Variants in CTBP1 observed in about 807,000 individuals in gnomAD.
CTBP1 encodes C-terminal binding protein 1, also known as C-terminal-binding protein 1.
A neutral mutation model predicts 42.1 loss-of-function variants in CTBP1; 11 were observed. The observed-to-expected ratio is 0.26, with a 90% confidence interval of 0.16 to 0.43. CTBP1 has a LOEUF of 0.43. Ranked by LOEUF, CTBP1 falls within the 20% of genes least tolerant of loss-of-function variation. CTBP1 has a pLI of 1.00. For synonymous variants in CTBP1, 324 were observed against 277.1 expected (o/e 1.17, Z -1.68); for missense variants, 399 against 624.3 (o/e 0.64, Z 3.85).
intron 3 of CTBP1, among the ~76,000 whole-genome samples, chr4:1,228,878 C>A (rs901151363): frequency 6.6e-5 from 10 of 152,236 alleles, no homozygotes; most frequent in African/African-American, 2.4e-4. Context: ...CGCCACCCAG[C>A]CGTAAGGATA....
intron 8 of CTBP1, 140 bp from the exon 9 acceptor site, chr4:1,213,170 G>T: frequency 1.2e-6 from 1 of 810,256 alleles, no homozygotes; most frequent in East Asian, 2.5e-5. Flanking sequence ...AGGCACGGCA[G>T]GGTCCTGTCT....
intron 1 of CTBP1, chr4:1,248,549 A>C: frequency 1.3e-4 from 44 of 344,422 alleles, no homozygotes; most frequent in Non-Finnish European, 1.6e-4. Flanking sequence ...GGGACGGGGT[A>C]GCGGCCGGGG....
chr4:1,227,310 G>A (rs970451708), intron 4 of CTBP1, among the ~76,000 whole-genome samples: 26 of 151,030 alleles, frequency 1.7e-4, no homozygotes, highest in African/African-American at 6.3e-4. Context: ...TGCGTGATCC[G>A]TGTGCTGAGT....
chr4:1,224,021 C>T (rs563449728), intron 5 of CTBP1, among the ~76,000 whole-genome samples: 4 of 152,302 alleles, frequency 2.6e-5, no homozygotes, highest in Non-Finnish European at 5.9e-5. Flanking sequence ...GCGCCAGGGG[C>T]AGCTGCTGGT....
In CTBP1 at chr4:1,238,469, A is replaced by G. The variant is rs535727359; in HGVS notation, c.8-132T>C. 3.8e-5 allele frequency: 42 copies of G among 1,104,864 alleles called. No individual in the cohort carries two copies. In the Admixed American group the frequency reaches 6.9e-4, roughly 18 times the overall value. The allele number at this position is 1,104,864 out of a possible 1,614,324, so 68.4% of individuals were successfully genotyped here. A position where few individuals can be genotyped will look rare whatever the true frequency, so the allele number is the denominator to read the frequency against. On this transcript the variant is annotated intron_variant, in intron 2 of 9. Transcript: ENST00000382952. The surrounding 1 kb of genome is among the most constrained non-coding windows in gnomAD (Gnocchi z 5.9). ...GGTTTTCTGGTCTATATGTTGTGAT[A>G]TTTGTAAAAAGTAAATTAAAAATCC...
rs7687296 is a variant in CTBP1 at position 1,212,944 on chromosome 4, C to T, written c.1075G>A (p.Val359Met). ...THWASMDPAVVHPELNGAAYR... is the reference protein window; with the variant it reads ...THWASMDPAVMHPELNGAAYR... Reference sequence around the variant, plus strand: ...GCAGCCCCATTGAGCTCAGGGTGCACGACGGCGGGGTCCATGCTGGCCCAG... The same window carrying T: ...GCAGCCCCATTGAGCTCAGGGTGCATGACGGCGGGGTCCATGCTGGCCCAG... The change falls in exon 9 of 10, where the codon GTG becomes ATG. Residue 359 changes from valine (V) to methionine (M), a missense_variant. Around this residue, in one of 4 missense-constraint regions of CTBP1, gnomAD observed 309 missense variants for 497.5 expected, o/e 0.62. Coordinates refer to ENST00000382952, the MANE Select transcript of CTBP1 (RefSeq NM_001012614.2). 8.7e-6 allele frequency: 14 copies of T among 1,613,672 alleles called. No homozygotes were observed. The highest frequency in any genetic ancestry group is 1.7e-5 in the Admixed American group (1 of 60,004).
At chr4:1,244,665 G>A in intron 1 of CTBP1, 2 of 985,386 alleles carry the variant, frequency 2.0e-6, no homozygotes, top group Non-Finnish European at 2.4e-6. Context: ...ACCACCAGAA[G>A]GGCACCCTAA....
At chr4:1,245,006 G>A (rs1057413274) in intron 1 of CTBP1, 4 of 985,340 alleles carry the variant, frequency 4.1e-6, no homozygotes, top group Admixed American at 1.2e-4. Context: ...AGAGGGAGCC[G>A]CACAGCAGCA....
In CTBP1 at chr4:1,248,975, C is replaced by A; in HGVS notation, c.-248G>T. ...GCCCATCGAGAGGCGCGAGCGGCCG[C>A]GGGCCCCGACCACTCCGGCGCGCTG... On this transcript the variant is annotated 5_prime_UTR_variant, in exon 1 of 10. Coordinates refer to ENST00000382952, the MANE Select transcript of CTBP1 (RefSeq NM_001012614.2). 1.0e-6 allele frequency: 1 copy of A among 994,802 alleles called. No individual in the cohort carries two copies. The highest frequency in any genetic ancestry group is 1.2e-6 in the Non-Finnish European group (1 of 833,686). 61.6% of individuals were successfully genotyped at this position (994,802 alleles called of 1,614,324 possible).
intron 7 of CTBP1, chr4:1,213,869 G>A: frequency 2.0e-6 from 1 of 492,782 alleles, no homozygotes; most frequent in Non-Finnish European, 3.6e-6. Context: ...CTGATGGGGG[G>A]ACATGCTGCC....
rs1241563123 is a variant in CTBP1 at position 1,241,339 on chromosome 4, T to C, written c.-8A>G. ...CCCCTACCAACCTGACATCTCTTAATATGGGCTCAGCTTCCACGACCATGA... is the reference window on the plus strand; with the variant it reads ...CCCCTACCAACCTGACATCTCTTAACATGGGCTCAGCTTCCACGACCATGA... On this transcript the variant is annotated 5_prime_UTR_variant, in exon 2 of 10. The change creates a new upstream start codon in the 5' untranslated region. Transcript: ENST00000382952. 2 of 914,060 alleles carry C rather than the reference T, an allele frequency of 2.2e-6. No homozygotes were observed. Among genetic ancestry groups the C allele is most frequent in the Non-Finnish European group, 3.7e-6 (2 of 539,772 alleles). 56.6% of individuals were successfully genotyped at this position (914,060 alleles called of 1,614,324 possible). A position where few individuals can be genotyped will look rare whatever the true frequency, so the allele number is the denominator to read the frequency against.
intron 4 of CTBP1, among the ~76,000 whole-genome samples, chr4:1,225,875 C>T (rs186969880): frequency 2.5e-4 from 38 of 151,930 alleles, no homozygotes; most frequent in African/African-American, 8.7e-4. Flanking sequence ...GCTGGCAGCC[C>T]AGGAAGAGAC....
chr4:1,241,076 G>T (rs1732129389), intron 2 of CTBP1, among the ~76,000 whole-genome samples: 1 of 152,228 alleles, frequency 6.6e-6, no homozygotes, highest in Admixed American at 6.5e-5. Context: ...CTTTCCGACA[G>T]AAACAGACAG....
chr4:1,249,052 G>T lies in CTBP1; in HGVS notation c.-325C>A. The stretch of plus-strand genomic sequence containing the variant: ...CGGCCTCGGCGCCGTCCGCTGCTCC[G>T]CCCGCCCGCCTGCGCCTGGCCGCCG... On this transcript the variant is annotated 5_prime_UTR_variant, in exon 1 of 10. Transcript: ENST00000382952. 1.5e-5 allele frequency: 7 copies of T among 470,970 alleles called. No individual in the cohort carries two copies. The highest frequency in any genetic ancestry group is 1.9e-5 in the Non-Finnish European group (7 of 363,130). 29.2% of individuals were successfully genotyped at this position (470,970 alleles called of 1,614,324 possible).
In CTBP1 at chr4:1,211,863, T is replaced by G; in HGVS notation, c.*377A>C. 7.5e-6 allele frequency: 1 copy of G among 133,684 alleles called. No individual in the cohort carries two copies. Among genetic ancestry groups the G allele is most frequent in the Non-Finnish European group, 1.5e-5 (1 of 67,728 alleles). The allele number at this position is 133,684 out of a possible 1,614,324, so 8.3% of individuals were successfully genotyped here. On this transcript the variant is annotated 3_prime_UTR_variant, in exon 10 of 10. Coordinates refer to ENST00000382952, the MANE Select transcript of CTBP1 (RefSeq NM_001012614.2). ...CCTCATTCTGGGGCACGTTCCAACA[T>G]ACAAAAAAAAAAAAAACAAAAAAAA...
At chr4:1,237,389 A>G (rs1351461924) in intron 3 of CTBP1, 4 of 531,218 alleles carry the variant, frequency 7.5e-6, no homozygotes, top group Non-Finnish European at 1.0e-5. Flanking sequence ...GGGCTCAGGG[A>G]AAACCCCGTG....
intron 7 of CTBP1, 184 bp downstream of exon 7, chr4:1,214,159 G>A (rs979180487): frequency 1.1e-5 from 8 of 746,300 alleles, no homozygotes; most frequent in Non-Finnish European, 1.6e-5. Flanking sequence ...ACCGAGGCAA[G>A]GCAGGCCTAG....
upstream of CTBP1, chr4:1,250,229 C>A: frequency 5.1e-6 from 1 of 196,970 alleles, no homozygotes; most frequent in Admixed American, 5.3e-5. Context: ...GTCTCCCCTT[C>A]GAGGCCCGGG....
chr4:1,212,281 T>C lies in CTBP1; in HGVS notation c.1249A>G (p.Lys417Glu). The change falls in exon 10 of 10, where the codon AAG becomes GAG. Residue 417 changes from lysine (K) to glutamate (E), a missense_variant. Physicochemically the swap from Lys to Glu is moderately conservative, Grantham distance 56 (BLOSUM62 1). Around this residue, in one of 4 missense-constraint regions of CTBP1, gnomAD observed 60 missense variants for 46.5 expected, o/e 1.29. Transcript: ENST00000382952. ...GCGTGGTCTCTATCCGCCTCGGGCT[T>C]GACGGTTTGGCCAGGAGAAGGGGCG... ...PHAPSPGQTVKPEADRDHASD... is the reference protein window; with the variant it reads ...PHAPSPGQTVEPEADRDHASD... 1 of 1,509,060 alleles carries C rather than the reference T, an allele frequency of 6.6e-7. No individual in the cohort carries two copies. The highest frequency in any genetic ancestry group is 1.2e-5 in the South Asian group (1 of 81,610). The allele number at this position is 1,509,060 out of a possible 1,614,324, so 93.5% of individuals were successfully genotyped here. A position where few individuals can be genotyped will look rare whatever the true frequency, so the allele number is the denominator to read the frequency against.
Sources: allele counts gnomAD v4.1 joint callset (sites outside exome capture counted in the v4.1 genomes callset), GRCh38; gene constraint gnomAD v4.1.1; regional missense constraint gnomAD v4.1.1; non-coding constraint Gnocchi (gnomAD v3.1); transcripts MANE v1.5; gene names NCBI Gene and HGNC (gene_info 2026-07-23, HGNC 2026-07-21).